Variants in ZMAT4 observed in about 807,000 individuals in gnomAD.
The protein encoded by ZMAT4 is zinc finger matrin-type protein 4.
In ZMAT4, 17 loss-of-function variants were observed where a neutral mutation model predicts 28.7. That is an observed-to-expected ratio of 0.59 (90% CI 0.41 to 0.89). The LOEUF (loss-of-function observed/expected upper bound fraction) is 0.89. Among genes scored for constraint, ZMAT4 ranks in the 40% least tolerant of loss-of-function variants. ZMAT4 has a pLI of 0.00. For synonymous variants in ZMAT4, 117 were observed against 109.2 expected (o/e 1.07, Z -0.44); for missense variants, 240 against 283.8 (o/e 0.85, Z 1.11).
At chr8:40,604,234 T>C (rs1297990076) in intron 5 of ZMAT4, among the ~76,000 whole-genome samples, 1 of 152,236 alleles carries the variant, frequency 6.6e-6, no homozygotes, top group African/African-American at 2.4e-5. Flanking sequence ...CTCACTGCTC[T>C]GGCTAGGACT....
intron 1 of ZMAT4, among the ~76,000 whole-genome samples, chr8:40,844,700 C>T (rs941898162): frequency 5.4e-5 from 7 of 129,678 alleles, no homozygotes; most frequent in Admixed American, 1.6e-4. Flanking sequence ...TGTGTGTGTT[C>T]TGTTTTTCTG....
intron 2 of ZMAT4, among the ~76,000 whole-genome samples, chr8:40,792,114 C>CA (rs534142640): frequency 4.1e-4 from 62 of 152,126 alleles, no homozygotes; most frequent in African/African-American, 1.4e-3. Flanking sequence ...TCCTTACCTA[C>CA]AAAAAAATCC....
chr8:40,786,205 T>C (rs149100109), intron 2 of ZMAT4, among the ~76,000 whole-genome samples: 100 of 152,342 alleles, frequency 6.6e-4, no homozygotes, highest in African/African-American at 2.3e-3. Context: ...TAAGTCACAT[T>C]TCAATCCAAT....
intron 1 of ZMAT4, among the ~76,000 whole-genome samples, chr8:40,844,453 G>T (rs1289554000): frequency 6.6e-6 from 1 of 152,100 alleles, no homozygotes; most frequent in African/African-American, 2.4e-5. Flanking sequence ...TGGGATATGG[G>T]TGCTCCAGAT....
intron 3 of ZMAT4, among the ~76,000 whole-genome samples, chr8:40,755,822 T>A (rs1812654942): frequency 6.6e-6 from 1 of 152,164 alleles, no homozygotes; most frequent in South Asian, 2.1e-4. Context: ...ACATTAAAAA[T>A]TTTTAAAATA....
intron 6 of ZMAT4, among the ~76,000 whole-genome samples, chr8:40,568,356 A>C (rs1803988418): frequency 6.6e-6 from 1 of 152,126 alleles, no homozygotes; most frequent in Admixed American, 6.6e-5. Context: ...AGACCACAAG[A>C]AACTCAGAAT....
chr8:40,641,036 C>G (rs1807005589), intron 5 of ZMAT4, among the ~76,000 whole-genome samples: 1 of 151,242 alleles, frequency 6.6e-6, no homozygotes, highest in African/African-American at 2.4e-5. Flanking sequence ...ACAGGGTTCA[C>G]AGGACTTGCA....
chr8:40,833,750 G>T (rs1010970806), intron 1 of ZMAT4, among the ~76,000 whole-genome samples: 16 of 152,168 alleles, frequency 1.1e-4, no homozygotes, highest in Non-Finnish European at 2.1e-4. Context: ...TCTGAGAGCA[G>T]GGTGAAGGTC....
intron 5 of ZMAT4, among the ~76,000 whole-genome samples, chr8:40,642,191 A>G (rs990954613): frequency 2.5e-4 from 38 of 152,146 alleles, no homozygotes; most frequent in Non-Finnish European, 4.7e-4. Flanking sequence ...AGGTTAAAAG[A>G]GTTGTTATCT....
At chr8:40,706,903 C>T (rs1330852974) in intron 3 of ZMAT4, among the ~76,000 whole-genome samples, 1 of 152,118 alleles carries the variant, frequency 6.6e-6, no homozygotes, top group Non-Finnish European at 1.5e-5. Flanking sequence ...GCACACCTCT[C>T]CCCCACTAGA....
intron 6 of ZMAT4, among the ~76,000 whole-genome samples, chr8:40,544,384 A>G (rs1378749173): frequency 6.6e-6 from 1 of 152,214 alleles, no homozygotes; most frequent in Non-Finnish European, 1.5e-5. Flanking sequence ...GTAAGACTAC[A>G]TAACTACTGG....
chr8:40,794,934 C>A (rs1028831988), intron 2 of ZMAT4, among the ~76,000 whole-genome samples: 3 of 152,064 alleles, frequency 2.0e-5, no homozygotes, highest in Non-Finnish European at 4.4e-5. Context: ...ATTTTCCTGA[C>A]AGCAGAGGAG....
chr8:40,760,117 G>T (rs1812864140), intron 3 of ZMAT4, among the ~76,000 whole-genome samples: 1 of 151,976 alleles, frequency 6.6e-6, no homozygotes, highest in Non-Finnish European at 1.5e-5. Flanking sequence ...CACCACTACT[G>T]CCAACAGCCT....
At position 40,697,275 on chromosome 8, in the gene ZMAT4, G is replaced by A; in HGVS notation, c.319C>T (p.Leu107=). The change falls in exon 4 of 7, where the codon CTA becomes TTA. Residue 107 remains leucine (L), a synonymous_variant. Coordinates refer to ENST00000297737, the MANE Select transcript of ZMAT4 (RefSeq NM_024645.3). ...KIHAKRLKLL[L]GEKTPLKTTA... is the part of the protein sequence containing the mutation. ...GTCTTTAATGGGGTCTTCTCTCCTA[G>A]CAAGAGTTTTAACCTCTTGGCGTGG... 6.2e-7 allele frequency: 1 copy of A among 1,613,110 alleles called. No individual in the cohort carries two copies. The highest frequency in any genetic ancestry group is 8.5e-7 in the Non-Finnish European group (1 of 1,179,500).
At chr8:40,551,286 G>C (rs1174330916) in intron 6 of ZMAT4, among the ~76,000 whole-genome samples, 1 of 152,108 alleles carries the variant, frequency 6.6e-6, no homozygotes, top group Non-Finnish European at 1.5e-5. Context: ...AGAAATCAAA[G>C]AACCCAGAAA....
intron 4 of ZMAT4, among the ~76,000 whole-genome samples, chr8:40,678,304 A>C (rs1420984099): frequency 6.6e-6 from 1 of 152,216 alleles, no homozygotes; most frequent in Non-Finnish European, 1.5e-5. Flanking sequence ...CCATTTCACC[A>C]TAACATAAAA....
At position 40,799,225 on chromosome 8, in the gene ZMAT4, GGATAGATA is replaced by G. The variant is rs201437370; in HGVS notation, c.102+26342_102+26349del. Reference sequence around the variant, plus strand: ...TAGATGGGTGGATGGATGGATGGATGGATAGATAGATGGATGGATGGAGACAGATAGAG... The same window carrying G: ...TAGATGGGTGGATGGATGGATGGATGGATGGATGGATGGAGACAGATAGAG... On this transcript the variant is annotated intron_variant, in intron 2 of 6. Transcript: ENST00000297737. 1.1e-4 allele frequency among the ~76,000 whole-genome samples: 16 copies of G among 150,736 alleles called. 1 individual carries two copies. In the East Asian group the frequency reaches 2.5e-3, roughly 24 times the overall value.
chr8:40,876,250 A>T (rs1055904477), intron 1 of ZMAT4, among the ~76,000 whole-genome samples: 4 of 152,134 alleles, frequency 2.6e-5, no homozygotes, highest in Admixed American at 6.5e-5. Flanking sequence ...GAAGATGAAG[A>T]CCTTTATGAT....
chr8:40,565,236 T>G lies in ZMAT4; in HGVS notation c.674+15929A>C, dbSNP rs534501736. Among the ~76,000 whole-genome samples the G allele has an allele frequency of 2.6e-5, 4 of 152,298 alleles. No individual in the cohort carries two copies. In the South Asian group the frequency reaches 8.3e-4, roughly 32 times the overall value. ...CAAAATTCAAATCCTCATATATAAGTGATGAGGGCTTTTCAGAGAATGCCC... is the reference window on the plus strand; with the variant it reads ...CAAAATTCAAATCCTCATATATAAGGGATGAGGGCTTTTCAGAGAATGCCC... On this transcript the variant is annotated intron_variant, in intron 6 of 6. Transcript: ENST00000297737.
Sources: gnomAD v4.1 joint callset for allele counts (sites outside exome capture counted in the v4.1 genomes callset) on GRCh38, gnomAD v4.1.1 for gene constraint, MANE v1.5 for transcripts, NCBI Gene and HGNC (gene_info 2026-07-23, HGNC 2026-07-21) for gene names.